The following ARPP21 variants were observed in gnomAD, a reference collection of about 807,000 sequenced individuals.
ARPP21 encodes cAMP-regulated phosphoprotein 21.
A neutral mutation model predicts 113.2 loss-of-function variants in ARPP21; 69 were observed. The ratio of observed to expected loss-of-function variants is 0.61; its 90% confidence interval spans 0.50 to 0.74. The LOEUF is 0.74. ARPP21 is among the 30% of genes least tolerant of loss of function. The pLI, the probability that ARPP21 is intolerant of heterozygous loss-of-function variation, is 0.00. For synonymous variants in ARPP21, 368 were observed against 375.5 expected, an observed-to-expected ratio of 0.98 and a Z score of 0.23; for missense variants, 1,070 against 1,037.4, an observed-to-expected ratio of 1.03 and a Z score of -0.43.
At position 35,690,147 on chromosome 3, in the gene ARPP21, T is replaced by A; in HGVS notation, c.545+7T>A. On this transcript the variant is annotated splice_region_variant and intron_variant, in intron 8 of 20. Coordinates refer to ENST00000684406, the MANE Select transcript of ARPP21 (RefSeq NM_001385562.1). The stretch of plus-strand genomic sequence containing the variant: ...ATTTCATTGCTGACAACAAGTATGT[T>A]AAACTTCAATGCTGGTTAATTTGAT... The A allele has an allele frequency of 7.4e-7, 1 of 1,354,662 alleles. No homozygotes were observed. The highest frequency in any genetic ancestry group is 1.1e-6 in the Non-Finnish European group (1 of 944,840). 83.9% of individuals were successfully genotyped at this position (1,354,662 alleles called of 1,614,324 possible).
At chr3:35,720,828 T>C (rs1533273) in intron 13 of ARPP21, among the ~76,000 whole-genome samples, 17,162 of 152,280 alleles carry the variant, frequency 0.11, 999 homozygotes, top group Non-Finnish European at 0.12. Flanking sequence ...TACTCTTTTT[T>C]CTATTTGAAG....
At chr3:35,726,811 C>G (rs1476874940) in intron 14 of ARPP21, among the ~76,000 whole-genome samples, 1 of 152,166 alleles carries the variant, frequency 6.6e-6, no homozygotes. Flanking sequence ...CAGTGCCTAG[C>G]CCCTCAGTCT....
rs746545516 is a variant in ARPP21 at position 35,690,944 on chromosome 3, G to A, written c.625G>A (p.Asp209Asn). 7 of 1,610,636 alleles carry A rather than the reference G, an allele frequency of 4.3e-6. No homozygotes were observed. Among genetic ancestry groups the A allele is most frequent in the Non-Finnish European group, 5.9e-6 (7 of 1,177,866 alleles). ...VHRVAAYFGLDHNVDQTGKSV... is the reference protein window; with the variant it reads ...VHRVAAYFGLNHNVDQTGKSV... The stretch of plus-strand genomic sequence containing the variant: ...TCGAGTGGCAGCTTATTTTGGATTG[G>A]ATCACAATGTGGATCAAACAGGAAA... The change falls in exon 9 of 21, where the codon GAT becomes AAT. Residue 209 changes from aspartate (D) to asparagine (N), a missense_variant. Transcript: ENST00000684406.
chr3:35,788,684 A>G (rs2096681743), intron 19 of ARPP21, among the ~76,000 whole-genome samples: 2 of 152,228 alleles, frequency 1.3e-5, no homozygotes, highest in Non-Finnish European at 2.9e-5. Context: ...TAAGAGTTAA[A>G]ATAATATCAG....
At chr3:35,709,368 G>C (rs193191876) in intron 11 of ARPP21, among the ~76,000 whole-genome samples, 31 of 152,196 alleles carry the variant, frequency 2.0e-4, no homozygotes, top group African/African-American at 6.3e-4. Context: ...TTGAAGAAAT[G>C]CCTTCACCTC....
chr3:35,653,295 AT>A (rs1286057342), intron 1 of ARPP21, among the ~76,000 whole-genome samples: 3 of 151,922 alleles, frequency 2.0e-5, no homozygotes, highest in African/African-American at 7.3e-5. Flanking sequence ...TTCATCCTTA[AT>A]TTTTTTCTTT....
intron 19 of ARPP21, among the ~76,000 whole-genome samples, chr3:35,766,829 A>G (rs961026829): frequency 6.8e-6 from 1 of 148,128 alleles, no homozygotes; most frequent in African/African-American, 2.5e-5. Flanking sequence ...CATATTATAC[A>G]TATGTGTGTG....
Position 35,792,462 on chromosome 3 carries a change from A to G in ARPP21, c.2218A>G (p.Ile740Val), listed in dbSNP as rs778243845. The G allele has an allele frequency of 4.3e-6, 7 of 1,614,060 alleles. No individual in the cohort carries two copies. The highest frequency in any genetic ancestry group is 5.9e-6 in the Non-Finnish European group (7 of 1,179,922). The change falls in exon 20 of 21, where the codon ATA becomes GTA. Residue 740 changes from isoleucine (I) to valine (V), a missense_variant. By Grantham distance (29) the Ile-to-Val change is conservative (BLOSUM62 3). Transcript: ENST00000684406. ...VQQPPQSQNVINNQQGTPVQS... is the reference protein window; with the variant it reads ...VQQPPQSQNVVNNQQGTPVQS... ...GCAGCCACCTCAGAGTCAGAACGTG[A>G]TAAATAACCAACAAGGAACTCCGGT...
At chr3:35,750,284 G>C (rs1576611937) in intron 19 of ARPP21, among the ~76,000 whole-genome samples, 1 of 151,458 alleles carries the variant, frequency 6.6e-6, no homozygotes, top group African/African-American at 2.4e-5. Flanking sequence ...TCATTCATTT[G>C]TATATATTTT....
chr3:35,652,281 T>C (rs1702715382), intron 1 of ARPP21, among the ~76,000 whole-genome samples: 1 of 152,090 alleles, frequency 6.6e-6, no homozygotes, highest in African/African-American at 2.4e-5. Context: ...ATCTAAGAAC[T>C]AAGAATGATT....
At chr3:35,647,741 T>C (rs1445714031) in intron 1 of ARPP21, among the ~76,000 whole-genome samples, 1 of 152,154 alleles carries the variant, frequency 6.6e-6, no homozygotes, top group East Asian at 1.9e-4. Flanking sequence ...GCTCTAAACC[T>C]CTCTGTGCTT....
intron 19 of ARPP21, 88 bp from the exon 20 acceptor site, chr3:35,792,294 G>A: frequency 8.9e-7 from 1 of 1,121,396 alleles, no homozygotes; most frequent in South Asian, 1.4e-5. Flanking sequence ...ATGTCTGAAG[G>A]CTGCCTTTTG....
chr3:35,700,668 G>C (rs2086009735), intron 9 of ARPP21, among the ~76,000 whole-genome samples: 1 of 151,638 alleles, frequency 6.6e-6, no homozygotes, highest in African/African-American at 2.4e-5. Context: ...GAAGTGAAAA[G>C]AAGTGAATTC....
intron 19 of ARPP21, among the ~76,000 whole-genome samples, chr3:35,771,371 C>G (rs919091748): frequency 6.6e-6 from 1 of 151,920 alleles, no homozygotes. Context: ...CTCTGTTGCC[C>G]AGGCTGGAGT....
chr3:35,707,700 T>C (rs892263758), intron 10 of ARPP21, among the ~76,000 whole-genome samples: 1 of 152,206 alleles, frequency 6.6e-6, no homozygotes, highest in African/African-American at 2.4e-5. Context: ...TTTATCCTTG[T>C]GTATTTTGCT....
intron 14 of ARPP21, among the ~76,000 whole-genome samples, chr3:35,724,884 C>G (rs895331343): frequency 8.5e-5 from 13 of 152,272 alleles, no homozygotes; most frequent in Middle Eastern, 3.4e-3. Flanking sequence ...CACTGACCCC[C>G]TGAATCTGGA....
intron 6 of ARPP21, 45 bp downstream of exon 6, chr3:35,687,928 A>G (rs1199958688): frequency 6.5e-7 from 1 of 1,538,582 alleles, no homozygotes; most frequent in Non-Finnish European, 8.7e-7. Context: ...TTGGGCACAC[A>G]CATAGTCACA....
At chr3:35,692,207 G>T (rs187275230) in intron 9 of ARPP21, among the ~76,000 whole-genome samples, 1 of 151,680 alleles carries the variant, frequency 6.6e-6, no homozygotes, top group East Asian at 1.9e-4. Context: ...GAATCATTCA[G>T]TCCTGTAGTT....
Position 35,688,349 on chromosome 3 carries a change from T to G in ARPP21, c.406+466T>G, listed in dbSNP as rs192483372. On this transcript the variant is annotated intron_variant, in intron 6 of 20. Coordinates refer to ENST00000684406, the MANE Select transcript of ARPP21 (RefSeq NM_001385562.1). ...ATGTATATGTCAACGGAATACATGA[T>G]TCACATTTTATCTGGCTCAGAATTT... is the stretch of plus-strand genomic sequence containing the variant. Among the ~76,000 whole-genome samples, 17 of 151,710 alleles carry G rather than the reference T, an allele frequency of 1.1e-4. No individual in the cohort carries two copies. In the East Asian group the frequency reaches 3.3e-3, roughly 30 times the overall value.
Sources: allele counts gnomAD v4.1 joint callset (sites outside exome capture counted in the v4.1 genomes callset), GRCh38; gene constraint gnomAD v4.1.1; transcripts MANE v1.5; gene names NCBI Gene and HGNC (gene_info 2026-07-23, HGNC 2026-07-21).